CSMD1: variants seen among roughly 807,000 people sequenced by gnomAD.
CSMD1 encodes the protein CUB and sushi domain-containing protein 1.
Under a neutral mutation model 417.5 loss-of-function variants are expected in CSMD1, and 213 were observed. That is an observed-to-expected ratio of 0.51 (90% CI 0.46 to 0.57). The LOEUF (loss-of-function observed/expected upper bound fraction) is 0.57, where lower values mean the gene tolerates loss of function less well. CSMD1 is among the 20% of genes least tolerant of loss of function. The pLI, the probability that CSMD1 is intolerant of heterozygous loss-of-function variation, is 0.00. For synonymous variants in CSMD1, 2,862 were observed against 1,736.8 expected (o/e 1.65, Z -16.11); for missense variants, 6,923 against 4,529.7 (o/e 1.53, Z -15.17).
At chr8:3,032,563 G>A (rs947698619) in intron 50 of CSMD1, among the ~76,000 whole-genome samples, 3 of 152,014 alleles carry the variant, frequency 2.0e-5, no homozygotes, top group Non-Finnish European at 4.4e-5. Context: ...AGAGGGTACT[G>A]AATTCAAATA....
At chr8:3,822,046 C>A (rs1259645737) in intron 5 of CSMD1, among the ~76,000 whole-genome samples, 1 of 152,192 alleles carries the variant, frequency 6.6e-6, no homozygotes, top group Non-Finnish European at 1.5e-5. Context: ...GGTCTGACAT[C>A]TCTGCCTTTT....
In CSMD1 at chr8:3,444,037, C is replaced by A. The variant is rs184720288; in HGVS notation, c.1561+24675G>T. ...CTTGCAGTGCTGAATGTGAATCAGG[C>A]GTATCAGCATGAAATCTTGTCTCTT... On this transcript the variant is annotated intron_variant, in intron 12 of 69. Transcript: ENST00000635120. 8.0e-4 allele frequency among the ~76,000 whole-genome samples: 122 copies of A among 152,122 alleles called. No individual in the cohort carries two copies. The South Asian group carries it at 0.015, about 18-fold the overall frequency.
At chr8:3,936,319 A>AACTGT (rs2129709195) in intron 5 of CSMD1, among the ~76,000 whole-genome samples, 1 of 152,314 alleles carries the variant, frequency 6.6e-6, no homozygotes, top group East Asian at 1.9e-4. Context: ...AAAGGCAGAT[A>AACTGT]TTGAGTGTAA....
chr8:4,003,581 A>T (rs1228647407), intron 4 of CSMD1, among the ~76,000 whole-genome samples: 1 of 152,234 alleles, frequency 6.6e-6, no homozygotes, highest in Non-Finnish European at 1.5e-5. Context: ...TATGATAGGC[A>T]TTCAAATTAA....
At chr8:3,625,907 G>A (rs1302801187) in intron 7 of CSMD1, among the ~76,000 whole-genome samples, 2 of 152,120 alleles carry the variant, frequency 1.3e-5, no homozygotes, top group East Asian at 1.9e-4. Flanking sequence ...ATATATCACG[G>A]TAGCAGTAAA....
intron 7 of CSMD1, among the ~76,000 whole-genome samples, chr8:3,643,444 T>G (rs1797407708): frequency 6.6e-6 from 1 of 152,136 alleles, no homozygotes; most frequent in Admixed American, 6.5e-5. Context: ...GGCTCACGCC[T>G]GTAATCCTAG....
intron 23 of CSMD1, 52 bp downstream of exon 23, chr8:3,343,242 A>C: frequency 1.3e-6 from 2 of 1,490,756 alleles, no homozygotes; most frequent in Non-Finnish European, 1.9e-6. Flanking sequence ...CAAGTATCAG[A>C]TATGTCCTGA....
intron 1 of CSMD1, among the ~76,000 whole-genome samples, chr8:4,818,125 C>G (rs1269758850): frequency 6.6e-6 from 1 of 152,050 alleles, no homozygotes; most frequent in African/African-American, 2.4e-5. Flanking sequence ...AGTCGGGAAG[C>G]CTACTCGTAA....
Position 3,426,262 on chromosome 8 carries a change from C to A in CSMD1, c.1562-16657G>T, listed in dbSNP as rs546366626. On this transcript the variant is annotated intron_variant, in intron 12 of 69. Coordinates refer to ENST00000635120, the MANE Select transcript of CSMD1 (RefSeq NM_033225.6). ...CTACTCCTAAACGTTCCATCCTGCA[C>A]ATCACATGAGTTAAATTATTTCTTG... 4.1e-4 allele frequency among the ~76,000 whole-genome samples: 63 copies of A among 152,294 alleles called. 1 individual carries two copies. In the South Asian group the frequency reaches 7.7e-3, roughly 19 times the overall value.
chr8:3,440,292 T>A (rs1394067339), intron 12 of CSMD1, among the ~76,000 whole-genome samples: 3 of 152,208 alleles, frequency 2.0e-5, no homozygotes, highest in African/African-American at 7.2e-5. Context: ...ATACTATATC[T>A]CTCTACTTAT....
chr8:2,979,503 C>T (rs1164281687), intron 54 of CSMD1, among the ~76,000 whole-genome samples: 2 of 152,218 alleles, frequency 1.3e-5, no homozygotes, highest in African/African-American at 4.8e-5. Flanking sequence ...AAAGAAAGAA[C>T]TCTGATTACC....
rs535888946 is a variant in CSMD1, at chr8:3,553,714, G to T, written c.1344+21231C>A. Among the ~76,000 whole-genome samples, 7 of 152,272 alleles carry T rather than the reference G, an allele frequency of 4.6e-5. No homozygotes were observed. In the East Asian group the frequency reaches 1.4e-3, roughly 29 times the overall value. On this transcript the variant is annotated intron_variant, in intron 10 of 69. Coordinates refer to ENST00000635120, the MANE Select transcript of CSMD1 (RefSeq NM_033225.6). ...GTAGGTCCATAGTTACAAATATTCT[G>T]AAGACATTAAAATATGTGAAGTAGA...
intron 1 of CSMD1, among the ~76,000 whole-genome samples, chr8:4,884,614 T>C (rs944613463): frequency 5.3e-5 from 8 of 152,102 alleles, no homozygotes; most frequent in Non-Finnish European, 8.8e-5. Flanking sequence ...TTCTAGCATA[T>C]TTGTTGAAAA....
At chr8:4,927,930 C>G (rs1259244035) in intron 1 of CSMD1, among the ~76,000 whole-genome samples, 1 of 152,172 alleles carries the variant, frequency 6.6e-6, no homozygotes, top group African/African-American at 2.4e-5. Flanking sequence ...AAATCATTTT[C>G]TAAGTGTTTT....
At chr8:4,673,955 GCA>G (rs1486092389) in intron 1 of CSMD1, among the ~76,000 whole-genome samples, 1 of 152,092 alleles carries the variant, frequency 6.6e-6, no homozygotes, top group Non-Finnish European at 1.5e-5. Flanking sequence ...GGAGGTGATT[GCA>G]CACCTCTGTG....
intron 9 of CSMD1, among the ~76,000 whole-genome samples, chr8:3,585,887 C>G (rs1800578276): frequency 6.6e-6 from 1 of 152,116 alleles, no homozygotes; most frequent in Non-Finnish European, 1.5e-5. Context: ...CCAAGTTATA[C>G]TCAGTATGTG....
intron 7 of CSMD1, among the ~76,000 whole-genome samples, chr8:3,635,548 A>C (rs530981610): frequency 6.9e-6 from 1 of 145,576 alleles, no homozygotes; most frequent in South Asian, 2.2e-4. Flanking sequence ...CAGTGGCGCG[A>C]TCTCAGCTCA....
Position 2,974,453 on chromosome 8 carries a change from G to C in CSMD1, c.8738C>G (p.Thr2913Arg). ...CAGTTCACTCGTAAGCCCCTCACCT[G>C]TGCAGTGGGGCAGTGCCCCGCTCCA... The part of the protein sequence containing the change: ...SHWSGALPHC[T>R]GNNPGFCGDP... Residue 2913 changes from threonine to arginine, a missense_variant and splice_region_variant, in exon 56 of 70, where the codon ACA becomes AGA. By Grantham distance (71) the Thr-to-Arg change is moderately conservative. Transcript: ENST00000635120. The C allele has an allele frequency of 6.2e-7, 1 of 1,600,494 alleles. No homozygotes were observed. The highest frequency in any genetic ancestry group is 8.5e-7 in the Non-Finnish European group (1 of 1,171,142).
At chr8:4,462,024 G>A (rs926484810) in intron 2 of CSMD1, among the ~76,000 whole-genome samples, 21 of 152,060 alleles carry the variant, frequency 1.4e-4, no homozygotes, top group African/African-American at 5.1e-4. Context: ...TACAGGCTGA[G>A]CCACCACGTC....
Sources: gnomAD v4.1 joint callset for allele counts (sites outside exome capture counted in the v4.1 genomes callset) on GRCh38, gnomAD v4.1.1 for gene constraint, MANE v1.5 for transcripts, NCBI Gene and HGNC (gene_info 2026-07-23, HGNC 2026-07-21) for gene names.